GALNT17: variants seen among roughly 807,000 people sequenced by gnomAD.
GALNT17 encodes polypeptide N-acetylgalactosaminyltransferase 17.
Under a neutral mutation model 63.7 loss-of-function variants are expected in GALNT17, and 29 were observed. That is an observed-to-expected ratio of 0.46 (90% CI 0.34 to 0.62). GALNT17 has a LOEUF of 0.62. Ranked by LOEUF, GALNT17 falls within the 20% of genes least tolerant of loss-of-function variation. The pLI is 0.01. For synonymous variants in GALNT17, 305 were observed against 318.3 expected (o/e 0.96, Z 0.45); for missense variants, 603 against 799.6 (o/e 0.75, Z 2.97).
chr7:71,377,348 A>AAAAAAAAGTC (rs11271368), intron 2 of GALNT17, among the ~76,000 whole-genome samples: 1 of 151,058 alleles, frequency 6.6e-6, no homozygotes, highest in African/African-American at 2.4e-5. Context: ...GTAGGTGAAT[A>AAAAAAAAGTC]TTCGGAGAAT....
At chr7:71,687,440 A>G (rs1042773857) in intron 9 of GALNT17, among the ~76,000 whole-genome samples, 19 of 152,294 alleles carry the variant, frequency 1.2e-4, no homozygotes, top group South Asian at 8.3e-4. Context: ...AGTGAGTGAC[A>G]CCCAGCAGCC....
chr7:71,537,833 A>G (rs780972241), intron 5 of GALNT17, among the ~76,000 whole-genome samples: 29 of 152,134 alleles, frequency 1.9e-4, no homozygotes, highest in Non-Finnish European at 2.2e-4. Flanking sequence ...AAACAAAAAC[A>G]AAAAGTTGAA....
chr7:71,292,800 T>C (rs116127562), intron 1 of GALNT17, among the ~76,000 whole-genome samples: 2,794 of 151,976 alleles, frequency 0.018, 29 homozygotes, highest in Middle Eastern at 0.034. Context: ...CATTAGATCT[T>C]CAGAAATTGT....
intron 1 of GALNT17, among the ~76,000 whole-genome samples, chr7:71,246,568 C>T (rs1274489064): frequency 9.9e-5 from 15 of 151,670 alleles, no homozygotes; most frequent in African/African-American, 2.4e-4. Flanking sequence ...TGGTGGCTCA[C>T]GCCTCTAATC....
chr7:71,583,551 G>A lies in GALNT17; in HGVS notation c.1080+12149G>A, dbSNP rs372643126. 5.3e-5 allele frequency among the ~76,000 whole-genome samples: 8 copies of A among 152,152 alleles called. No individual in the cohort carries two copies. The East Asian group carries it at 5.8e-4, about 11-fold the overall frequency. On this transcript the variant is annotated intron_variant, in intron 6 of 10. Transcript: ENST00000333538. Reference sequence around the variant, plus strand: ...CTGTTACACAACGTACTCAGCCTCAGTGCAGAACGAAGTTTTATTGGACAT... The same window carrying A: ...CTGTTACACAACGTACTCAGCCTCAATGCAGAACGAAGTTTTATTGGACAT...
intron 2 of GALNT17, among the ~76,000 whole-genome samples, chr7:71,369,418 TGAG>T (rs2116266249): frequency 1.3e-5 from 2 of 152,126 alleles, no homozygotes; most frequent in Non-Finnish European, 2.9e-5. Flanking sequence ...GCCCAAAGTG[TGAG>T]GAGTAAAGTT....
At chr7:71,689,766 G>A (rs1791413970) in intron 9 of GALNT17, among the ~76,000 whole-genome samples, 3 of 152,178 alleles carry the variant, frequency 2.0e-5, no homozygotes, top group Admixed American at 6.5e-5. Context: ...ATTAGAAGAA[G>A]GTGCTATCTA....
chr7:71,219,543 C>A (rs750209904), intron 1 of GALNT17, among the ~76,000 whole-genome samples: 2 of 152,058 alleles, frequency 1.3e-5, no homozygotes, highest in Non-Finnish European at 2.9e-5. Flanking sequence ...TCAATTTGAT[C>A]TTCCAACTCT....
rs1790213576 is a variant in GALNT17 at position 71,616,881 on chromosome 7, A to AAGAATATATAATTCTTATAAGAATCAT, written c.1080+45480_1080+45481insGAATATATAATTCTTATAAGAATCATA. On this transcript the variant is annotated intron_variant, in intron 6 of 10. Transcript: ENST00000333538. Reference sequence around the variant, plus strand: ...TATATTATAAAAGTATACATTATATAATTAAGAATATATAATTCTTATAAG... The same window carrying AAGAATATATAATTCTTATAAGAATCAT: ...TATATTATAAAAGTATACATTATATAAGAATATATAATTCTTATAAGAATCATATTAAGAATATATAATTCTTATAAG... 2.4e-5 allele frequency among the ~76,000 whole-genome samples: 3 copies of AAGAATATATAATTCTTATAAGAATCAT among 125,608 alleles called. No homozygotes were observed. In the East Asian group the frequency reaches 6.6e-4, roughly 28 times the overall value. The allele number at this position is 125,608 out of a possible 152,430, so 82.4% of individuals were successfully genotyped here. A position where few individuals can be genotyped will look rare whatever the true frequency, so the allele number is the denominator to read the frequency against.
intron 5 of GALNT17, among the ~76,000 whole-genome samples, chr7:71,443,614 C>T (rs1787108461): frequency 6.6e-6 from 1 of 152,202 alleles, no homozygotes; most frequent in African/African-American, 2.4e-5. Context: ...TGAGTGGAAG[C>T]TGCCTCAGGC....
At chr7:71,697,210 G>A (rs1791558678) in intron 9 of GALNT17, among the ~76,000 whole-genome samples, 2 of 152,154 alleles carry the variant, frequency 1.3e-5, no homozygotes, top group Non-Finnish European at 2.9e-5. Context: ...AGCAATGGAA[G>A]ATTGAGGCAA....
At chr7:71,239,191 G>A (rs1789948522) in intron 1 of GALNT17, among the ~76,000 whole-genome samples, 1 of 152,156 alleles carries the variant, frequency 6.6e-6, no homozygotes, top group South Asian at 2.1e-4. Context: ...TGGGCACAGT[G>A]GCTCATGCCT....
At chr7:71,225,401 C>A (rs1180081455) in intron 1 of GALNT17, among the ~76,000 whole-genome samples, 2 of 152,220 alleles carry the variant, frequency 1.3e-5, no homozygotes, top group Non-Finnish European at 1.5e-5. Context: ...TGTTTCCAGG[C>A]TGGCCAGAGC....
At position 71,161,659 on chromosome 7, in the gene GALNT17, A is replaced by G. The variant is rs530101368; in HGVS notation, c.238+28619A>G. 7.2e-5 allele frequency among the ~76,000 whole-genome samples: 11 copies of G among 152,134 alleles called. No individual in the cohort carries two copies. The East Asian group carries it at 2.1e-3, about 29-fold the overall frequency. ...TGGTTTTATTTAAAAATTAATTTCA[A>G]TTTTTTTGCATGTAACTTTTTTTAT... On this transcript the variant is annotated intron_variant, in intron 1 of 10. Transcript: ENST00000333538.
chr7:71,358,172 G>C (rs1583886642), intron 2 of GALNT17, among the ~76,000 whole-genome samples: 2 of 152,168 alleles, frequency 1.3e-5, no homozygotes, highest in East Asian at 3.9e-4. Flanking sequence ...CATTCTTGAA[G>C]TCAGCGAGAC....
At position 71,374,398 on chromosome 7, in the gene GALNT17, A is replaced by G. The variant is rs1368573676; in HGVS notation, c.423-13837A>G. On this transcript the variant is annotated intron_variant, in intron 2 of 10. Coordinates refer to ENST00000333538, the MANE Select transcript of GALNT17 (RefSeq NM_022479.3). The stretch of plus-strand genomic sequence containing the variant: ...CCAGAACGGCTGGGCTCACCCTTGC[A>G]CATGTCCAGCTGGGGGCCGCCTTTC... Among the ~76,000 whole-genome samples the G allele has an allele frequency of 7.2e-5, 11 of 152,336 alleles. No homozygotes were observed. The East Asian group carries it at 2.1e-3, about 29-fold the overall frequency.
chr7:71,696,665 C>A (rs1472483352), intron 9 of GALNT17, among the ~76,000 whole-genome samples: 3 of 152,112 alleles, frequency 2.0e-5, no homozygotes, highest in African/African-American at 4.8e-5. Flanking sequence ...TCTCTTAGAT[C>A]ATCTCAAATG....
chr7:71,578,021 ATTTATTTAT>A (rs1789566556), intron 6 of GALNT17, among the ~76,000 whole-genome samples: 1 of 141,068 alleles, frequency 7.1e-6, no homozygotes, highest in African/African-American at 2.9e-5. Context: ...TTATTTATTT[ATTTATTTAT>A]TTATTTATTT....
At position 71,192,274 on chromosome 7, in the gene GALNT17, C is replaced by G. The variant is rs940559603; in HGVS notation, c.238+59234C>G. 1.1e-4 allele frequency among the ~76,000 whole-genome samples: 17 copies of G among 152,282 alleles called. No homozygotes were observed. In the East Asian group the frequency reaches 3.3e-3, roughly 29 times the overall value. On this transcript the variant is annotated intron_variant, in intron 1 of 10. Transcript: ENST00000333538. Reference sequence around the variant, plus strand: ...GGGTCTGTCTCTCCCAGTCCACTGACTCAAATGTTAATCTCCTTTGGCAAC... The same window carrying G: ...GGGTCTGTCTCTCCCAGTCCACTGAGTCAAATGTTAATCTCCTTTGGCAAC...
Sources: gnomAD v4.1 joint callset for allele counts (sites outside exome capture counted in the v4.1 genomes callset) on GRCh38, gnomAD v4.1.1 for gene constraint, MANE v1.5 for transcripts, NCBI Gene and HGNC (gene_info 2026-07-23, HGNC 2026-07-21) for gene names.